WWOX: variants seen among roughly 807,000 people sequenced by gnomAD.
WWOX encodes the protein WW domain containing oxidoreductase, also known as WW domain-containing oxidoreductase.
Under a neutral mutation model 46.2 loss-of-function variants are expected in WWOX, and 69 were observed. The ratio of observed to expected loss-of-function variants is 1.49; its 90% CI spans 1.23 to 1.82. The LOEUF is 1.82. WWOX is among the 40% of genes most tolerant of loss of function. The pLI is 0.00. For missense variants in WWOX, 919 were observed against 542.6 expected (o/e 1.69, Z -6.89); for synonymous variants, 359 against 202.6 (o/e 1.77, Z -6.56).
intron 8 of WWOX, among the ~76,000 whole-genome samples, chr16:78,752,961 T>A (rs2142456548): frequency 6.6e-6 from 1 of 152,264 alleles, no homozygotes; most frequent in South Asian, 2.1e-4. Flanking sequence ...TCTAGGCCGT[T>A]TGTCTGCCTG....
intron 8 of WWOX, among the ~76,000 whole-genome samples, chr16:78,883,736 GAAAA>G (rs964880157): frequency 2.0e-5 from 3 of 147,352 alleles, no homozygotes; most frequent in Admixed American, 6.8e-5. Flanking sequence ...AAAAAAAAAA[GAAAA>G]AAAAAGTAAT....
At chr16:78,856,629 C>A (rs932037439) in intron 8 of WWOX, among the ~76,000 whole-genome samples, 1 of 152,084 alleles carries the variant, frequency 6.6e-6, no homozygotes, top group African/African-American at 2.4e-5. Context: ...GGTGACAGAG[C>A]AAGACTCTGT....
intron 8 of WWOX, among the ~76,000 whole-genome samples, chr16:78,444,086 C>G (rs1470267194): frequency 2.6e-5 from 4 of 152,146 alleles, no homozygotes; most frequent in Non-Finnish European, 5.9e-5. Context: ...ACCTGGTGCT[C>G]AGAATCGTTT....
At chr16:78,408,512 G>A (rs1273795248) in intron 6 of WWOX, among the ~76,000 whole-genome samples, 1 of 152,106 alleles carries the variant, frequency 6.6e-6, no homozygotes, top group Non-Finnish European at 1.5e-5. Flanking sequence ...ATTCTTCCTG[G>A]TTGTGAGACA....
intron 8 of WWOX, among the ~76,000 whole-genome samples, chr16:78,943,381 C>T (rs1273142906): frequency 1.4e-5 from 2 of 147,426 alleles, no homozygotes; most frequent in African/African-American, 5.4e-5. Flanking sequence ...TGTTCATCTC[C>T]TCCGACTGCA....
chr16:78,859,396 C>A (rs986422556), intron 8 of WWOX, among the ~76,000 whole-genome samples: 4 of 151,980 alleles, frequency 2.6e-5, no homozygotes, highest in South Asian at 2.1e-4. Context: ...AGGTACCTTG[C>A]AGTACTTTTG....
chr16:78,944,029 A>G (rs2045902361), intron 8 of WWOX, among the ~76,000 whole-genome samples: 1 of 152,222 alleles, frequency 6.6e-6, no homozygotes, highest in South Asian at 2.1e-4. Flanking sequence ...GAAGAAAAAC[A>G]AATAAACAAA....
chr16:78,644,851 C>T (rs1331287496), intron 8 of WWOX, among the ~76,000 whole-genome samples: 1 of 152,076 alleles, frequency 6.6e-6, no homozygotes, highest in Non-Finnish European at 1.5e-5. Flanking sequence ...AGCAGGAGAG[C>T]ATGTAGAAGA....
At chr16:78,581,914 A>G (rs867178247) in intron 8 of WWOX, among the ~76,000 whole-genome samples, 12 of 152,184 alleles carry the variant, frequency 7.9e-5, no homozygotes, top group Admixed American at 6.5e-5. Context: ...AGATGACCTT[A>G]AAGTATCTGA....
intron 8 of WWOX, among the ~76,000 whole-genome samples, chr16:78,665,270 A>G (rs953190131): frequency 6.6e-6 from 1 of 152,152 alleles, no homozygotes; most frequent in African/African-American, 2.4e-5. Context: ...CGCACATCCT[A>G]AGGGAGTGTA....
intron 8 of WWOX, among the ~76,000 whole-genome samples, chr16:79,028,380 C>G (rs1466014575): frequency 6.6e-6 from 1 of 151,892 alleles, no homozygotes; most frequent in Non-Finnish European, 1.5e-5. Flanking sequence ...TCAGTCCAGA[C>G]ATTCTACCTA....
chr16:78,472,006 C>T (rs564820289), intron 8 of WWOX, among the ~76,000 whole-genome samples: 1 of 152,214 alleles, frequency 6.6e-6, no homozygotes, highest in South Asian at 2.1e-4. Flanking sequence ...TCACTTTATT[C>T]AGCGAAGACA....
At chr16:79,178,101 C>G (rs1014846011) in intron 8 of WWOX, among the ~76,000 whole-genome samples, 1 of 152,190 alleles carries the variant, frequency 6.6e-6, no homozygotes, top group Admixed American at 6.5e-5. Context: ...AAGGCCCTAT[C>G]TTCTAATATT....
chr16:79,085,428 A>G (rs2048836853), intron 8 of WWOX, among the ~76,000 whole-genome samples: 1 of 152,176 alleles, frequency 6.6e-6, no homozygotes, highest in Non-Finnish European at 1.5e-5. Context: ...GCTTTGAAAA[A>G]GAGCTTTTCT....
intron 8 of WWOX, among the ~76,000 whole-genome samples, chr16:78,719,600 G>C (rs964549623): frequency 7.9e-5 from 12 of 152,176 alleles, no homozygotes; most frequent in African/African-American, 2.9e-4. Flanking sequence ...ACCCCTCAAT[G>C]CTTTGGAAGA....
At chr16:78,150,885 G>T (rs1224089632) in intron 4 of WWOX, among the ~76,000 whole-genome samples, 1 of 151,450 alleles carries the variant, frequency 6.6e-6, no homozygotes, top group Non-Finnish European at 1.5e-5. Flanking sequence ...AAAGGTTTTT[G>T]TTTTTTTAGA....
chr16:78,446,773 G>A (rs4530150), intron 8 of WWOX, among the ~76,000 whole-genome samples: 16,824 of 145,844 alleles, frequency 0.12, 1,048 homozygotes, highest in East Asian at 0.21. Flanking sequence ...CCATTCTCCA[G>A]TCTCAGCCTC....
chr16:79,068,820 CAATAATAATAAT>C (rs61494401), intron 8 of WWOX, among the ~76,000 whole-genome samples: 2,559 of 138,546 alleles, frequency 0.018, 47 homozygotes, highest in African/African-American at 0.039. Flanking sequence ...CAAAAAAACC[CAATAATAATAAT>C]AATAATAATA....
At chr16:78,446,249 G>C (rs547147137) in intron 8 of WWOX, among the ~76,000 whole-genome samples, 3 of 152,156 alleles carry the variant, frequency 2.0e-5, no homozygotes, top group African/African-American at 7.2e-5. Flanking sequence ...AACCTGTGAC[G>C]CTCTTTTCAA....
Sources: gnomAD v4.1 joint callset for allele counts (sites outside exome capture counted in the v4.1 genomes callset) on GRCh38, gnomAD v4.1.1 for gene constraint, MANE v1.5 for transcripts, NCBI Gene and HGNC (gene_info 2026-07-23, HGNC 2026-07-21) for gene names.